MYLK4: variants seen among roughly 807,000 people sequenced by gnomAD.
MYLK4 encodes the protein caMLCK like.
A neutral mutation model predicts 48.1 loss-of-function variants in MYLK4; 46 were observed. That is an observed-to-expected ratio of 0.96 (90% CI 0.75 to 1.22). The LOEUF (loss-of-function observed/expected upper bound fraction) is 1.22. Ranked by LOEUF, MYLK4 falls within the 50% of genes most tolerant of loss-of-function variation. MYLK4 has a pLI of 0.00. For synonymous variants in MYLK4, 170 were observed against 180.8 expected, an observed-to-expected ratio of 0.94 and a Z score of 0.48; for missense variants, 451 against 486.1, an observed-to-expected ratio of 0.93 and a Z score of 0.68.
chr6:2,688,207 C>T (rs545953712), intron 4 of MYLK4, among the ~76,000 whole-genome samples: 78 of 152,062 alleles, frequency 5.1e-4, no homozygotes, highest in African/African-American at 1.6e-3. Flanking sequence ...TACAGGCATG[C>T]GCCACCACGC....
At chr6:2,733,421 C>A (rs1763548824) in intron 2 of MYLK4, among the ~76,000 whole-genome samples, 2 of 152,078 alleles carry the variant, frequency 1.3e-5, no homozygotes, top group African/African-American at 2.4e-5. Flanking sequence ...AGAAACCAAC[C>A]AAGCAATGGG....
At chr6:2,715,402 T>C (rs1197682928) in intron 2 of MYLK4, among the ~76,000 whole-genome samples, 1 of 152,226 alleles carries the variant, frequency 6.6e-6, no homozygotes, top group Non-Finnish European at 1.5e-5. Flanking sequence ...AACGGTATTT[T>C]ATGTTATGTG....
At chr6:2,733,960 G>A (rs934971462) in intron 2 of MYLK4, among the ~76,000 whole-genome samples, 40 of 152,002 alleles carry the variant, frequency 2.6e-4, no homozygotes, top group African/African-American at 8.7e-4. Context: ...AAATGTCAGC[G>A]CATCCCAAAA....
chr6:2,685,449 G>T lies in MYLK4; in HGVS notation c.435+34C>A. 6.2e-7 allele frequency: 1 copy of T among 1,601,742 alleles called. No individual in the cohort carries two copies. The highest frequency in any genetic ancestry group is 1.1e-5 in the South Asian group (1 of 90,748). ...TGCATTAGTGTGGTCAAGATGGGGCGGGGAGGGAGGGGACCACCTCCCACA... is the reference window on the plus strand; with the variant it reads ...TGCATTAGTGTGGTCAAGATGGGGCTGGGAGGGAGGGGACCACCTCCCACA... On this transcript the variant is annotated intron_variant, in intron 5 of 12. Coordinates refer to ENST00000274643, the MANE Select transcript of MYLK4 (RefSeq NM_001012418.5). The surrounding 1 kb of genome is among the most constrained non-coding windows in gnomAD (Gnocchi z 4.5).
intron 3 of MYLK4, among the ~76,000 whole-genome samples, chr6:2,691,946 A>G (rs558406096): frequency 2.0e-5 from 3 of 152,344 alleles, no homozygotes; most frequent in African/African-American, 7.2e-5. Context: ...CTCTAGAGAA[A>G]ACATTGCTGT....
chr6:2,683,863 C>G (rs1398986008), intron 6 of MYLK4, among the ~76,000 whole-genome samples: 1 of 152,152 alleles, frequency 6.6e-6, no homozygotes, highest in Non-Finnish European at 1.5e-5. Context: ...TCTCAGCCCT[C>G]TAAGTCTCCA....
chr6:2,675,400 T>C (rs1050723339), intron 10 of MYLK4, among the ~76,000 whole-genome samples: 1 of 152,266 alleles, frequency 6.6e-6, no homozygotes, highest in Admixed American at 6.5e-5. Flanking sequence ...TAACCATTTC[T>C]GTAGTATAAC....
At chr6:2,766,407 C>T in the MYLK4 span, 19 of 1,600,102 alleles carry the variant, frequency 1.2e-5, no homozygotes, top group Admixed American at 1.7e-5. Flanking sequence ...AACGAAATCC[C>T]CTCGCTTATC....
chr6:2,768,010 C>T, the MYLK4 span, among the ~76,000 whole-genome samples: 3 of 152,174 alleles, frequency 2.0e-5, no homozygotes, highest in East Asian at 1.9e-4. Context: ...TCTTCTCATC[C>T]TTTAGTACTA....
In MYLK4 at chr6:2,675,081, G is replaced by A; in HGVS notation, c.1085C>T (p.Ser362Leu). The change falls in exon 11 of 13, where the codon TCA (serine) becomes TTA (leucine). Residue 362 changes from serine to leucine, a missense_variant. Transcript: ENST00000274643. ...GAGTCTGGAGTGGAGCTTGTGGTCT[G>A]ACAACCAGGGGTGCTTGAGAGCTTC... The part of the protein sequence containing the change: ...ASEALKHPWL[S>L]DHKLHSRLNA... 2 of 1,614,128 alleles carry A rather than the reference G, an allele frequency of 1.2e-6. No homozygotes were observed. Among genetic ancestry groups the A allele is most frequent in the Non-Finnish European group, 1.7e-6 (2 of 1,179,990 alleles).
chr6:2,766,530 C>A, the MYLK4 span: 46 of 1,409,570 alleles, frequency 3.3e-5, no homozygotes, highest in Admixed American at 8.2e-5. Context: ...GTGCTGCCCT[C>A]GAAAGAAGCC....
rs547123104 is a variant in MYLK4 at position 2,725,748 on chromosome 6, T to C, written c.159+23388A>G. ...TAACTATCGATAGGCAGAGCACTTC[T>C]TGAAATAACCTCATGTGTTCTGGGA... On this transcript the variant is annotated intron_variant, in intron 2 of 12. Coordinates refer to ENST00000274643, the MANE Select transcript of MYLK4 (RefSeq NM_001012418.5). Among the ~76,000 whole-genome samples the C allele has an allele frequency of 7.9e-5, 12 of 152,350 alleles. No homozygotes were observed. In the South Asian group the frequency reaches 2.5e-3, roughly 32 times the overall value.
At chr6:2,742,338 A>C (rs1227181099) in intron 2 of MYLK4, among the ~76,000 whole-genome samples, 1 of 152,208 alleles carries the variant, frequency 6.6e-6, no homozygotes, top group African/African-American at 2.4e-5. Context: ...AGAATAAATA[A>C]GGCATTTGAC....
In MYLK4 at chr6:2,750,823, A is replaced by G. The variant is rs543245924; in HGVS notation, c.-200T>C. ...ATAAAGAGAAATTTTGCAGAATTCA[A>G]ACTGACTATGAAAGTCTCTGGTAAA... is the stretch of plus-strand genomic sequence containing the variant. On this transcript the variant is annotated 5_prime_UTR_variant, in exon 1 of 13. Transcript: ENST00000274643. 9.8e-5 allele frequency: 15 copies of G among 152,702 alleles called. No homozygotes were observed. The highest frequency in any genetic ancestry group is 2.2e-4 in the Non-Finnish European group (15 of 68,036). The allele number at this position is 152,702 out of a possible 1,614,324, so 9.5% of individuals were successfully genotyped here.
intron 9 of MYLK4, 78 bp downstream of exon 9, chr6:2,679,201 GC>G: frequency 6.5e-7 from 1 of 1,535,576 alleles, no homozygotes; most frequent in Non-Finnish European, 8.9e-7. Flanking sequence ...CCCAATTGGG[GC>G]TTTTATTTAA....
At position 2,740,656 on chromosome 6, in the gene MYLK4, C is replaced by G. The variant is rs545319699; in HGVS notation, c.159+8480G>C. On this transcript the variant is annotated intron_variant, in intron 2 of 12. Coordinates refer to ENST00000274643, the MANE Select transcript of MYLK4 (RefSeq NM_001012418.5). ...CAGTTCACAAAACAAGCCACCCTCACGCATGCTTGGGCTCTGCTTTCTGGT... is the reference window on the plus strand; with the variant it reads ...CAGTTCACAAAACAAGCCACCCTCAGGCATGCTTGGGCTCTGCTTTCTGGT... Among the ~76,000 whole-genome samples, 17 of 152,338 alleles carry G rather than the reference C, an allele frequency of 1.1e-4. No individual in the cohort carries two copies. The South Asian group carries it at 3.3e-3, about 30-fold the overall frequency.
intron 2 of MYLK4, among the ~76,000 whole-genome samples, chr6:2,746,419 A>G (rs1260581084): frequency 6.6e-6 from 1 of 152,220 alleles, no homozygotes; most frequent in Non-Finnish European, 1.5e-5. Context: ...ATTCAGTAGA[A>G]GAAAAATAAA....
At chr6:2,764,078 G>C in the MYLK4 span, among the ~76,000 whole-genome samples, 1 of 152,226 alleles carries the variant, frequency 6.6e-6, no homozygotes. Context: ...GTTGCCGTGA[G>C]CTGAGATTGC....
the MYLK4 span, among the ~76,000 whole-genome samples, chr6:2,763,156 G>A: frequency 1.3e-5 from 2 of 152,166 alleles, no homozygotes; most frequent in Non-Finnish European, 2.9e-5. Flanking sequence ...GGTGCTGATT[G>A]GTGTGTTTAC....
Sources: gnomAD v4.1 joint callset for allele counts (sites outside exome capture counted in the v4.1 genomes callset) on GRCh38, gnomAD v4.1.1 for gene constraint, Gnocchi (gnomAD v3.1) non-coding constraint, MANE v1.5 for transcripts, NCBI Gene and HGNC (gene_info 2026-07-23, HGNC 2026-07-21) for gene names.